The following PCDHA4 variants were observed in gnomAD, a reference collection of about 807,000 sequenced individuals.
PCDHA4 encodes the protein protocadherin alpha 4, also known as protocadherin alpha-4.
PCDHA4 carries 49 observed loss-of-function variants against 61.4 expected under a neutral mutation model. The observed-to-expected ratio is 0.80, with a 90% confidence interval of 0.63 to 1.01. The LOEUF is 1.01. Among genes scored for constraint, PCDHA4 ranks in the 50% least tolerant of loss-of-function variants. PCDHA4 has a pLI of 0.00. For synonymous variants in PCDHA4, 590 were observed against 550.3 expected, an observed-to-expected ratio of 1.07 and a Z score of -1.01; for missense variants, 1,254 against 1,235.8, an observed-to-expected ratio of 1.01 and a Z score of -0.22.
Position 141,011,434 on chromosome 5 carries a change from C to A in PCDHA4, c.*1497C>A, listed in dbSNP as rs934032017. 6.5e-6 allele frequency: 1 copy of A among 153,726 alleles called. No homozygotes were observed. Among genetic ancestry groups the A allele is most frequent in the African/African-American group, 2.4e-5 (1 of 41,446 alleles). The allele number at this position is 153,726 out of a possible 1,614,324, so 9.5% of individuals were successfully genotyped here. The stretch of plus-strand genomic sequence containing the variant: ...ATGTGAATGTTAATGCAACTATTAC[C>A]TAGAGTGAACTTTAAGCTTTATTGT... On this transcript the variant is annotated 3_prime_UTR_variant, in exon 4 of 4. Transcript: ENST00000530339.
At chr5:140,848,661 C>G in intron 1 of PCDHA4, 1 of 1,592,380 alleles carries the variant, frequency 6.3e-7, no homozygotes, top group African/African-American at 1.3e-5. Context: ...GGGGCTGGAG[C>G]TGGCGGAGCT....
In PCDHA4 at chr5:140,830,227, C is replaced by G. The variant is rs2150183026; in HGVS notation, c.2385+20655C>G. 2.1e-5 allele frequency: 34 copies of G among 1,613,900 alleles called. No individual in the cohort carries two copies. The African/African-American group carries it at 3.6e-4, about 17-fold the overall frequency. ...TCTGCGCGGTATCCAGCCTGCTGGT[C>G]CTCACGCTACTGCTGTACACAGCGC... On this transcript the variant is annotated intron_variant, in intron 1 of 3. Coordinates refer to ENST00000530339, the MANE Select transcript of PCDHA4 (RefSeq NM_018907.4).
At chr5:140,954,948 G>A (rs1163066790) in intron 1 of PCDHA4, among the ~76,000 whole-genome samples, 2 of 152,204 alleles carry the variant, frequency 1.3e-5, no homozygotes, top group Non-Finnish European at 1.5e-5. Flanking sequence ...GTTAATTTTT[G>A]TATAAGATGT....
chr5:140,874,732 C>T (rs1338972564), intron 1 of PCDHA4, among the ~76,000 whole-genome samples: 1 of 152,186 alleles, frequency 6.6e-6, no homozygotes, highest in Non-Finnish European at 1.5e-5. Context: ...TTATCACATT[C>T]AAGCATCAAG....
chr5:140,884,323 C>G (rs1554181434), intron 1 of PCDHA4: 10 of 1,613,816 alleles, frequency 6.2e-6, no homozygotes, highest in Non-Finnish European at 8.5e-6. Context: ...CGTCGGCAGG[C>G]GCTGTGGGTC....
At chr5:140,834,702 G>C in intron 1 of PCDHA4, 1 of 1,614,258 alleles carries the variant, frequency 6.2e-7, no homozygotes. Context: ...CATCCACCTG[G>C]AGGTGATCGT....
intron 1 of PCDHA4, among the ~76,000 whole-genome samples, chr5:140,950,405 T>G (rs1258791881): frequency 3.3e-5 from 5 of 152,042 alleles, no homozygotes; most frequent in African/African-American, 1.2e-4. Flanking sequence ...TCTGGGGGAT[T>G]GACAGATTTT....
chr5:140,877,220 G>C (rs560974692), intron 1 of PCDHA4: 2 of 1,613,740 alleles, frequency 1.2e-6, no homozygotes, highest in East Asian at 2.2e-5. Context: ...TTGGTACCGC[G>C]GTCGGTGGGT....
At chr5:140,900,712 A>G (rs1408382305) in intron 1 of PCDHA4, among the ~76,000 whole-genome samples, 2 of 152,234 alleles carry the variant, frequency 1.3e-5, no homozygotes, top group Non-Finnish European at 2.9e-5. Context: ...TTGGAAAGAA[A>G]GGAAATCCTA....
intron 1 of PCDHA4, among the ~76,000 whole-genome samples, chr5:140,921,330 C>T (rs1285696901): frequency 6.6e-6 from 1 of 152,026 alleles, no homozygotes; most frequent in Non-Finnish European, 1.5e-5. Flanking sequence ...TCTGTCTGGT[C>T]CAATCACATA....
At chr5:140,863,771 G>A (rs557463364) in intron 1 of PCDHA4, 111 of 240,518 alleles carry the variant, frequency 4.6e-4, no homozygotes, top group Non-Finnish European at 7.8e-4. Context: ...AGCCGAGGCG[G>A]GCGGATCACT....
At chr5:140,892,945 T>C (rs1554185456) in intron 1 of PCDHA4, among the ~76,000 whole-genome samples, 3 of 152,336 alleles carry the variant, frequency 2.0e-5, no homozygotes, top group South Asian at 2.1e-4. Flanking sequence ...AGCACAATAC[T>C]ACTTCCATGA....
chr5:140,831,151 A>G (rs1771403401), intron 1 of PCDHA4: 1 of 152,212 alleles, frequency 6.6e-6, no homozygotes, highest in Admixed American at 6.6e-5. Context: ...TTTACTACCG[A>G]TCTAAATAAT....
chr5:140,882,199 G>A, intron 1 of PCDHA4: 1 of 1,526,968 alleles, frequency 6.5e-7, no homozygotes, highest in Non-Finnish European at 8.8e-7. Context: ...TAAAAATTGG[G>A]CCTTGAGAGA....
At chr5:140,842,766 C>A (rs2150343854) in intron 1 of PCDHA4, 6 of 1,594,742 alleles carry the variant, frequency 3.8e-6, no homozygotes, top group Non-Finnish European at 5.1e-6. Context: ...GCGCGAGACG[C>A]GGACGCGCAG....
intron 1 of PCDHA4, among the ~76,000 whole-genome samples, chr5:140,947,229 G>GA (rs201242412): frequency 9.4e-5 from 14 of 148,904 alleles, no homozygotes; most frequent in South Asian, 2.1e-4. Context: ...TTTATGACAG[G>GA]AAAAAAAAAT....
At chr5:140,948,764 G>A (rs962710607) in intron 1 of PCDHA4, among the ~76,000 whole-genome samples, 11 of 150,728 alleles carry the variant, frequency 7.3e-5, no homozygotes, top group East Asian at 3.9e-4. Context: ...GATTTTTTTC[G>A]AATAGCCAGC....
At chr5:140,923,020 G>A (rs946669637) in intron 1 of PCDHA4, among the ~76,000 whole-genome samples, 6 of 152,228 alleles carry the variant, frequency 3.9e-5, no homozygotes, top group Admixed American at 1.3e-4. Context: ...CTGCAGTTTC[G>A]GACTCTATTA....
chr5:140,823,584 C>G, intron 1 of PCDHA4: 1 of 1,613,980 alleles, frequency 6.2e-7, no homozygotes, highest in Non-Finnish European at 8.5e-7. Flanking sequence ...CGGGCTACAA[C>G]GCTTGGCTTT....
Sources: gnomAD v4.1 joint callset for allele counts (sites outside exome capture counted in the v4.1 genomes callset) on GRCh38, gnomAD v4.1.1 for gene constraint, MANE v1.5 for transcripts, NCBI Gene and HGNC (gene_info 2026-07-23, HGNC 2026-07-21) for gene names.